Variants in NUP214 observed in about 807,000 individuals in gnomAD.
NUP214 encodes the protein nuclear pore complex protein Nup214.
NUP214 carries 79 observed loss-of-function variants against 196.2 expected under a neutral mutation model. That is an observed-to-expected ratio of 0.40 (90% CI 0.34 to 0.49). The LOEUF (loss-of-function observed/expected upper bound fraction) is 0.49. Ranked by LOEUF, NUP214 falls within the 20% of genes least tolerant of loss-of-function variation. The pLI is 0.58. For missense variants in NUP214, 2,468 were observed against 2,539.0 expected, an observed-to-expected ratio of 0.97 and a Z score of 0.60; for synonymous variants, 1,020 against 990.5, an observed-to-expected ratio of 1.03 and a Z score of -0.56.
At chr9:131,149,896 G>C (rs7868108) in intron 14 of NUP214, 7,317 of 157,312 alleles carry the variant, frequency 0.047, 265 homozygotes, top group African/African-American at 0.1. Flanking sequence ...GCCTTTCTTG[G>C]TGCCTGGCAG....
intron 24 of NUP214, among the ~76,000 whole-genome samples, chr9:131,181,206 G>C (rs767699687): frequency 3.9e-5 from 6 of 152,136 alleles, no homozygotes; most frequent in Admixed American, 1.3e-4. Flanking sequence ...CAAGCACAGG[G>C]CCTGTAGCAG....
chr9:131,206,723 G>T (rs536073421), intron 30 of NUP214, among the ~76,000 whole-genome samples: 1 of 152,260 alleles, frequency 6.6e-6, no homozygotes, highest in Admixed American at 6.5e-5. Context: ...GAGATTACAG[G>T]CATGAGACAC....
intron 33 of NUP214, chr9:131,229,502 T>G: frequency 2.9e-6 from 1 of 340,928 alleles, no homozygotes; most frequent in Non-Finnish European, 5.7e-6. Context: ...GTGAATTGAT[T>G]TATTTATTTG....
In NUP214 at chr9:131,125,978, C is replaced by T. The variant is rs1831334654; in HGVS notation, c.45+229C>T. The T allele has an allele frequency of 1.7e-6, 1 of 571,440 alleles. No homozygotes were observed. 35.4% of individuals were successfully genotyped at this position (571,440 alleles called of 1,614,324 possible). On this transcript the variant is annotated intron_variant, in intron 1 of 35. Transcript: ENST00000359428. The surrounding 1 kb of genome is among the most constrained non-coding windows in gnomAD (Gnocchi z 4.1). Reference sequence around the variant, plus strand: ...CACGGCTGTTGAGTTACCCTAGCTACTTCCTGGGGCGGTCACAATAGTGGC... The same window carrying T: ...CACGGCTGTTGAGTTACCCTAGCTATTTCCTGGGGCGGTCACAATAGTGGC...
In NUP214 at chr9:131,140,662, A is replaced by G; in HGVS notation, c.1246A>G (p.Thr416Ala). 6.2e-7 allele frequency: 1 copy of G among 1,614,060 alleles called. No individual in the cohort carries two copies. The highest frequency in any genetic ancestry group is 1.7e-5 in the Admixed American group (1 of 60,008). Reference protein sequence around the residue: ...QNPGVKSLIKTPERLSLEGER... With the variant: ...QNPGVKSLIKAPERLSLEGER... ...TCCTGGGGTTAAGTCTCTCATCAAA[A>G]CACCAGAGCGACTTTCATTAGAAGG... The change falls in exon 11 of 36, where the codon ACA becomes GCA. Residue 416 changes from threonine (T) to alanine (A), a missense_variant. Thr to Ala is a moderately conservative substitution (Grantham distance 58, BLOSUM62 0). Transcript: ENST00000359428.
intron 17 of NUP214, among the ~76,000 whole-genome samples, chr9:131,155,509 T>C (rs1832408370): frequency 6.6e-6 from 1 of 152,230 alleles, no homozygotes; most frequent in African/African-American, 2.4e-5. Context: ...TATTTACCTT[T>C]TTGTTGCATT....
At chr9:131,225,474 T>C (rs1834695503) in intron 32 of NUP214, among the ~76,000 whole-genome samples, 2 of 152,228 alleles carry the variant, frequency 1.3e-5, no homozygotes, top group Non-Finnish European at 2.9e-5. Flanking sequence ...AGAAAATGTA[T>C]GCCCCAACTT....
chr9:131,164,217 A>G (rs1832722059), intron 21 of NUP214, 73 bp downstream of exon 21: 3 of 1,367,036 alleles, frequency 2.2e-6, no homozygotes, highest in Admixed American at 1.7e-5. Context: ...GCGCGCGCAC[A>G]TGCACGTGTG....
chr9:131,223,723 A>ATTTATTTATTTTTTTATTTT (rs1554742606), intron 32 of NUP214, among the ~76,000 whole-genome samples: 42 of 18,974 alleles, frequency 2.2e-3, no homozygotes, highest in African/African-American at 5.4e-3. Flanking sequence ...TTATTTATTT[A>ATTTATTTATTTTTTTATTTT]TTTATTTTTT....
intron 32 of NUP214, 73 bp from the exon 33 acceptor site, chr9:131,228,087 G>T: frequency 7.2e-7 from 1 of 1,385,930 alleles, no homozygotes; most frequent in Non-Finnish European, 9.6e-7. Context: ...GTTTCTCATT[G>T]CTCAATGTCT....
At chr9:131,173,538 ATT>A (rs111676098) in intron 21 of NUP214, among the ~76,000 whole-genome samples, 27 of 143,464 alleles carry the variant, frequency 1.9e-4, no homozygotes, top group African/African-American at 6.6e-4. Flanking sequence ...AGTCTCTTGT[ATT>A]TTTTTTTTTT....
intron 21 of NUP214, among the ~76,000 whole-genome samples, chr9:131,172,365 T>A (rs2133582974): frequency 6.6e-6 from 1 of 152,388 alleles, no homozygotes; most frequent in Non-Finnish European, 1.5e-5. Flanking sequence ...TTGAGAAGTG[T>A]CTGTTCATGT....
intron 10 of NUP214, 29 bp from the exon 11 acceptor site, chr9:131,140,520 T>G (rs1564181141): frequency 2.5e-6 from 4 of 1,588,484 alleles, no homozygotes; most frequent in Non-Finnish European, 2.6e-6. Context: ...TTCACTTGGT[T>G]TTTTTATTTT....
At position 131,189,090 on chromosome 9, in the gene NUP214, C is replaced by T. The variant is rs1415657804; in HGVS notation, c.3533C>T (p.Thr1178Ile). 3 of 1,613,986 alleles carry T rather than the reference C, an allele frequency of 1.9e-6. No individual in the cohort carries two copies. Among genetic ancestry groups the T allele is most frequent in the East Asian group, 2.2e-5 (1 of 44,888 alleles). The change falls in exon 26 of 36, where the codon ACA becomes ATA. Residue 1178 changes from threonine (T) to isoleucine (I), a missense_variant. Around this residue, in one of 5 missense-constraint regions of NUP214, gnomAD observed 1,801 missense variants for 1,779.4 expected, o/e 1.01. Transcript: ENST00000359428. ...LINSLKPSGP[T>I]PASGQLSSGD... ...AATTCCCTTAAGCCATCTGGGCCTA[C>T]ACCAGCATCCGGTCAGTTATCATCT...
chr9:131,151,958 TC>T (rs1022381382), intron 17 of NUP214, 64 bp downstream of exon 17: 1 of 1,292,152 alleles, frequency 7.7e-7, no homozygotes, highest in Non-Finnish European at 1.1e-6. Context: ...AATTGCTACC[TC>T]TTTTTGCATA....
rs374076095 is a variant in NUP214, at chr9:131,133,099, C to G, written c.728-7C>G. 49 of 1,602,264 alleles carry G rather than the reference C, an allele frequency of 3.1e-5. No homozygotes were observed. The highest frequency in any genetic ancestry group is 4.0e-5 in the Non-Finnish European group (47 of 1,170,520). On this transcript the variant is annotated splice_polypyrimidine_tract_variant and splice_region_variant and intron_variant, in intron 6 of 35. Coordinates refer to ENST00000359428, the MANE Select transcript of NUP214 (RefSeq NM_005085.4). ...TTATGAGCTACTGATTAAGATGTGT[C>G]TTTCAGTTCTGGATGTGCTGTGGAT... is the stretch of plus-strand genomic sequence containing the variant.
At chr9:131,177,207 A>G (rs1211579840) in intron 23 of NUP214, among the ~76,000 whole-genome samples, 3 of 152,230 alleles carry the variant, frequency 2.0e-5, no homozygotes, top group Non-Finnish European at 2.9e-5. Context: ...GAAAAATTCA[A>G]ATATTAAAAC....
intron 29 of NUP214, among the ~76,000 whole-genome samples, chr9:131,199,320 A>G (rs1354475281): frequency 6.6e-6 from 1 of 152,208 alleles, no homozygotes; most frequent in Non-Finnish European, 1.5e-5. Flanking sequence ...AAGTAATTTA[A>G]TGAACAATAA....
At chr9:131,225,979 C>T (rs932859193) in intron 32 of NUP214, among the ~76,000 whole-genome samples, 13 of 152,110 alleles carry the variant, frequency 8.5e-5, no homozygotes, top group Non-Finnish European at 1.5e-4. Context: ...CCTGCTGTCT[C>T]GCTAAAGTGT....
Sources: gnomAD v4.1 joint callset for allele counts (sites outside exome capture counted in the v4.1 genomes callset) on GRCh38, gnomAD v4.1.1 for gene constraint, gnomAD v4.1.1 regional missense constraint, Gnocchi (gnomAD v3.1) non-coding constraint, MANE v1.5 for transcripts, NCBI Gene and HGNC (gene_info 2026-07-23, HGNC 2026-07-21) for gene names.